The following VAV2 variants were observed in gnomAD, a reference collection of about 807,000 sequenced individuals.
VAV2 encodes guanine nucleotide exchange factor VAV2.
VAV2 carries 67 observed loss-of-function variants against 132.5 expected under a neutral mutation model. That is an observed-to-expected ratio of 0.51 (90% confidence interval 0.42 to 0.62). The LOEUF (loss-of-function observed/expected upper bound fraction) is 0.62. VAV2 is among the 20% of genes least tolerant of loss of function. The pLI is 0.00. For missense variants in VAV2, 938 were observed against 1,153.6 expected, an observed-to-expected ratio of 0.81 and a Z score of 2.71; for synonymous variants, 492 against 443.5, an observed-to-expected ratio of 1.11 and a Z score of -1.37.
intron 25 of VAV2, among the ~76,000 whole-genome samples, chr9:133,773,552 G>A (rs1833709961): frequency 6.6e-6 from 1 of 152,162 alleles, no homozygotes; most frequent in South Asian, 2.1e-4. Flanking sequence ...TTTGAAGCTT[G>A]GGTAATAATA....
At chr9:133,868,624 G>C (rs531262736) in intron 2 of VAV2, among the ~76,000 whole-genome samples, 2 of 152,366 alleles carry the variant, frequency 1.3e-5, no homozygotes, top group South Asian at 4.1e-4. Context: ...AACAAAAACA[G>C]AGCAAAGTAC....
intron 3 of VAV2, among the ~76,000 whole-genome samples, chr9:133,847,306 C>G (rs1288067311): frequency 6.6e-6 from 1 of 152,224 alleles, no homozygotes; most frequent in African/African-American, 2.4e-5. Flanking sequence ...TAGCAGAAAA[C>G]CCAGGACCCC....
At chr9:133,934,666 G>A (rs1238454942) in intron 2 of VAV2, among the ~76,000 whole-genome samples, 1 of 152,198 alleles carries the variant, frequency 6.6e-6, no homozygotes, top group East Asian at 1.9e-4. Context: ...TCAGGCCTTT[G>A]GCCTTAGACT....
rs150024827 is a variant in VAV2, at chr9:133,951,236, A to G, written c.205-12017T>C. 2.0e-5 allele frequency among the ~76,000 whole-genome samples: 3 copies of G among 152,354 alleles called. No homozygotes were observed. In the East Asian group the frequency reaches 5.8e-4, roughly 29 times the overall value. Reference sequence around the variant, plus strand: ...GCCTCTTCCCCTGCAGAAGGCCACAAGCCAGCCATGCGACAGCAAAGTGTC... The same window carrying G: ...GCCTCTTCCCCTGCAGAAGGCCACAGGCCAGCCATGCGACAGCAAAGTGTC... On this transcript the variant is annotated intron_variant, in intron 1 of 29. Transcript: ENST00000371850.
intron 2 of VAV2, among the ~76,000 whole-genome samples, chr9:133,892,490 T>A (rs1839018177): frequency 6.6e-6 from 1 of 151,864 alleles, no homozygotes; most frequent in African/African-American, 2.4e-5. Context: ...GAGACAGAAT[T>A]AAGTCACTTG....
chr9:133,901,690 T>C (rs2132013996), intron 2 of VAV2, among the ~76,000 whole-genome samples: 1 of 152,346 alleles, frequency 6.6e-6, no homozygotes, highest in East Asian at 1.9e-4. Flanking sequence ...CCTAGGTCTG[T>C]AGGCACTGGG....
intron 10 of VAV2, 150 bp from the exon 11 acceptor site, chr9:133,796,674 C>T (rs1362952299): frequency 6.0e-6 from 4 of 669,294 alleles, no homozygotes; most frequent in Non-Finnish European, 1.0e-5. Context: ...CGGAACCAGT[C>T]CATGCACCAG....
intron 4 of VAV2, among the ~76,000 whole-genome samples, chr9:133,825,071 G>T (rs1456365170): frequency 6.6e-6 from 1 of 152,206 alleles, no homozygotes; most frequent in Non-Finnish European, 1.5e-5. Context: ...AGAAGCCCAG[G>T]TGGGGCCGAG....
chr9:133,838,577 AGATG>A (rs1836573377), intron 3 of VAV2, among the ~76,000 whole-genome samples: 1 of 111,286 alleles, frequency 9.0e-6, no homozygotes, highest in South Asian at 3.4e-4. Flanking sequence ...GTGGGTGGCT[AGATG>A]GATGAATGGG....
chr9:133,805,913 T>C (rs1181058923), intron 9 of VAV2, among the ~76,000 whole-genome samples, 168 bp downstream of exon 9: 2 of 152,108 alleles, frequency 1.3e-5, no homozygotes, highest in East Asian at 3.9e-4. Flanking sequence ...TCAACCAGGC[T>C]GCGGCTCGGG....
chr9:133,792,021 G>T, intron 12 of VAV2, 152 bp from the exon 13 acceptor site: 1 of 612,734 alleles, frequency 1.6e-6, no homozygotes, highest in Non-Finnish European at 3.0e-6. Context: ...GAGCTGTGCT[G>T]GGTGGGGTGT....
chr9:133,955,358 G>A lies in VAV2; in HGVS notation c.205-16139C>T, dbSNP rs991985241. Among the ~76,000 whole-genome samples the A allele has an allele frequency of 9.9e-5, 15 of 151,204 alleles. No homozygotes were observed. The East Asian group carries it at 1.8e-3, about 18-fold the overall frequency. On this transcript the variant is annotated intron_variant, in intron 1 of 29. Coordinates refer to ENST00000371850, the MANE Select transcript of VAV2 (RefSeq NM_001134398.2). ...GCTGCGGAAGCTGAGTCGGAAGCAC[G>A]GTCCCCACACTCCTCCTTACTCCCC... is the stretch of plus-strand genomic sequence containing the variant.
chr9:133,801,308 C>T (rs369798922), intron 9 of VAV2, among the ~76,000 whole-genome samples: 138 of 152,368 alleles, frequency 9.1e-4, no homozygotes, highest in African/African-American at 3.2e-3. Context: ...CCCGGGCTCA[C>T]TGCATCCTCA....
intron 2 of VAV2, among the ~76,000 whole-genome samples, chr9:133,924,171 A>C (rs1219691504): frequency 6.6e-6 from 1 of 152,136 alleles, no homozygotes; most frequent in Non-Finnish European, 1.5e-5. Flanking sequence ...CAGGGTCTTG[A>C]AGGCATTATT....
Position 133,764,110 on chromosome 9 carries a change from C to A in VAV2, c.2590-1G>T. 1 of 1,612,782 alleles carries A rather than the reference C, an allele frequency of 6.2e-7. No individual in the cohort carries two copies. On this transcript the variant is annotated splice_acceptor_variant, in intron 29 of 29. Coordinates refer to ENST00000371850, the MANE Select transcript of VAV2 (RefSeq NM_001134398.2). LOFTEE classifies it high-confidence loss of function. ...CGTACGTTGAAGGAAACCAGCCAAT[C>A]TGAAAAAGATGGTAAGATCGTGTCT...
intron 1 of VAV2, among the ~76,000 whole-genome samples, chr9:133,974,404 T>TG (rs1459640247): frequency 6.6e-6 from 1 of 151,582 alleles, no homozygotes; most frequent in Admixed American, 6.6e-5. Flanking sequence ...CGGGTGGGAG[T>TG]GGACGTCAGG....
rs778142385 is a variant in VAV2 at position 133,776,058 on chromosome 9, G to C, written c.1988C>G (p.Ser663Cys). ...GTATGCAGTGTAGTCGATCTCCCGGGATGGCGGCCGGCTGATGGGCGGCTG... is the reference window on the plus strand; with the variant it reads ...GTATGCAGTGTAGTCGATCTCCCGGCATGGCGGCCGGCTGATGGGCGGCTG... Reference protein sequence around the residue: ...DGRPPISRPPSREIDYTAYPW... With the variant: ...DGRPPISRPPCREIDYTAYPW... Residue 663 changes from serine to cysteine, a missense_variant, in exon 24 of 30, where the codon TCC becomes TGC. Transcript: ENST00000371850. The C allele has an allele frequency of 1.9e-6, 3 of 1,613,158 alleles. No individual in the cohort carries two copies. In the Admixed American group the frequency reaches 5.0e-5, roughly 27 times the overall value.
rs529910435 is a variant in VAV2 at position 133,789,722 on chromosome 9, CA to C, written c.1189-380del. Reference sequence around the variant, plus strand: ...AGCCCCACGTTCAGGAGAGAACAAACAGCGCCTATCTGCTGCAGGGCGGGTG... The same window carrying C: ...AGCCCCACGTTCAGGAGAGAACAAACGCGCCTATCTGCTGCAGGGCGGGTG... On this transcript the variant is annotated intron_variant, in intron 13 of 29. Transcript: ENST00000371850. Among the ~76,000 whole-genome samples, 372 of 152,316 alleles carry C rather than the reference CA, an allele frequency of 2.4e-3. 4 individuals are homozygous for C. Among genetic ancestry groups the C allele is most frequent in the African/African-American group, 8.6e-3 (356 of 41,580 alleles).
intron 1 of VAV2, among the ~76,000 whole-genome samples, chr9:133,957,056 T>C (rs1841806356): frequency 6.6e-6 from 1 of 152,100 alleles, no homozygotes; most frequent in South Asian, 2.1e-4. Flanking sequence ...CAGGACTCTC[T>C]CCAACGCCAC....
Sources: allele counts gnomAD v4.1 joint callset (sites outside exome capture counted in the v4.1 genomes callset), GRCh38; gene constraint gnomAD v4.1.1; transcripts MANE v1.5; gene names NCBI Gene and HGNC (gene_info 2026-07-23, HGNC 2026-07-21).